Variants in SLAIN2 observed in about 807,000 individuals in gnomAD.
The protein encoded by SLAIN2 is SLAIN motif-containing protein 2.
A neutral mutation model predicts 56.6 loss-of-function variants in SLAIN2; 31 were observed. That is an observed-to-expected ratio of 0.55 (90% CI 0.41 to 0.74). SLAIN2 has a LOEUF of 0.74. SLAIN2 is among the 30% of genes least tolerant of loss of function. The pLI is 0.00. For missense variants in SLAIN2, 777 were observed against 754.2 expected, an observed-to-expected ratio of 1.03 and a Z score of -0.35; for synonymous variants, 317 against 284.9, an observed-to-expected ratio of 1.11 and a Z score of -1.13.
intron 6 of SLAIN2, among the ~76,000 whole-genome samples, chr4:48,387,029 C>A (rs1266942673): frequency 6.6e-6 from 1 of 152,158 alleles, no homozygotes; most frequent in Non-Finnish European, 1.5e-5. Context: ...TGAACTGTTA[C>A]ATTCTGGATT....
intron 1 of SLAIN2, among the ~76,000 whole-genome samples, chr4:48,355,370 A>G (rs1235167141): frequency 2.0e-5 from 3 of 152,218 alleles, no homozygotes; most frequent in Admixed American, 6.5e-5. Flanking sequence ...GAAGACTGTT[A>G]TAAAATTATA....
chr4:48,391,527 C>T (rs759991656), intron 6 of SLAIN2, among the ~76,000 whole-genome samples: 14 of 152,226 alleles, frequency 9.2e-5, no homozygotes, highest in East Asian at 5.8e-4. Context: ...AATAGAAAGC[C>T]GACCAACTTG....
At chr4:48,383,047 A>G in intron 5 of SLAIN2, 120 bp downstream of exon 5, 1 of 1,044,708 alleles carries the variant, frequency 9.6e-7, no homozygotes, top group Non-Finnish European at 1.3e-6. Flanking sequence ...GCACATCTAT[A>G]GTCCTAGTGA....
At chr4:48,366,122 A>G (rs1184273310) in intron 1 of SLAIN2, among the ~76,000 whole-genome samples, 1 of 152,228 alleles carries the variant, frequency 6.6e-6, no homozygotes, top group African/African-American at 2.4e-5. Context: ...GGAATTTACT[A>G]CATTGCTTTC....
intron 6 of SLAIN2, among the ~76,000 whole-genome samples, chr4:48,412,365 T>TATAC (rs1362476119): frequency 5.3e-5 from 6 of 112,904 alleles, no homozygotes. Flanking sequence ...TTTGTATATG[T>TATAC]ACACACACAC....
At chr4:48,376,730 T>C (rs2109758272) in intron 2 of SLAIN2, among the ~76,000 whole-genome samples, 1 of 147,552 alleles carries the variant, frequency 6.8e-6, no homozygotes, top group African/African-American at 2.5e-5. Flanking sequence ...CACGCCATTC[T>C]CCTGCCTCAG....
At chr4:48,371,109 G>GT (rs71660447) in intron 2 of SLAIN2, among the ~76,000 whole-genome samples, 6,739 of 140,364 alleles carry the variant, frequency 0.048, 203 homozygotes, top group Middle Eastern at 0.11. Context: ...TTTTTGTTTT[G>GT]TTTTTTTTTT....
At chr4:48,369,426 A>C (rs1234776224) in intron 1 of SLAIN2, among the ~76,000 whole-genome samples, 2 of 152,186 alleles carry the variant, frequency 1.3e-5, no homozygotes, top group African/African-American at 4.8e-5. Flanking sequence ...AACTAAAAGG[A>C]ATGAATCACT....
rs768405371 is a variant in SLAIN2 at position 48,369,996 on chromosome 4, A to G, written c.537A>G (p.Ser179=). 1.2e-6 allele frequency: 2 copies of G among 1,612,530 alleles called. No homozygotes were observed. The highest frequency in any genetic ancestry group is 2.2e-5 in the South Asian group (2 of 90,758). ...SLIHKLDQTM[S]ALKRQNLYNN... is the part of the protein sequence containing the mutation. ...TCCACAAACTTGATCAAACTATGTC[A>G]GGTATGTCTATAATTTTGCTTGTAA... Residue 179 remains serine (S), a splice_region_variant and synonymous_variant, in exon 2 of 8, where the codon TCA becomes TCG. Transcript: ENST00000264313.
rs372373347 is a variant in SLAIN2 at position 48,341,702 on chromosome 4, G to A, written c.-38G>A. The A allele has an allele frequency of 7.2e-6, 11 of 1,521,034 alleles. No homozygotes were observed. The highest frequency in any genetic ancestry group is 2.5e-5 in the South Asian group (2 of 80,774). The allele number at this position is 1,521,034 out of a possible 1,614,324, so 94.2% of individuals were successfully genotyped here. A position where few individuals can be genotyped will look rare whatever the true frequency, so the allele number is the denominator to read the frequency against. On this transcript the variant is annotated 5_prime_UTR_variant, in exon 1 of 8. Transcript: ENST00000264313. ...TCTCTTTCCCTGTCGCTGCGAGAGCGAGCGGGCGGCGGAGGCGGCGGCGGC... is the reference window on the plus strand; with the variant it reads ...TCTCTTTCCCTGTCGCTGCGAGAGCAAGCGGGCGGCGGAGGCGGCGGCGGC...
intron 7 of SLAIN2, among the ~76,000 whole-genome samples, chr4:48,420,753 A>G (rs1717125531): frequency 6.6e-6 from 1 of 152,228 alleles, no homozygotes; most frequent in Non-Finnish European, 1.5e-5. Flanking sequence ...TTCGAATATA[A>G]TTATATTCAA....
At chr4:48,410,392 A>G (rs1716813546) in intron 6 of SLAIN2, among the ~76,000 whole-genome samples, 1 of 151,240 alleles carries the variant, frequency 6.6e-6, no homozygotes, top group Non-Finnish European at 1.5e-5. Context: ...TTTATTCTTC[A>G]CTTTCTTTAT....
intron 2 of SLAIN2, among the ~76,000 whole-genome samples, chr4:48,375,941 A>G (rs1715798761): frequency 1.3e-5 from 2 of 152,220 alleles, no homozygotes; most frequent in South Asian, 4.1e-4. Context: ...AGTTTCTCTC[A>G]GTTGTAATGA....
At chr4:48,355,680 A>G (rs1213748804) in intron 1 of SLAIN2, among the ~76,000 whole-genome samples, 4 of 152,148 alleles carry the variant, frequency 2.6e-5, no homozygotes, top group Non-Finnish European at 1.5e-5. Context: ...CTACTCTGGC[A>G]TGTAACATAA....
chr4:48,402,108 C>T (rs1716570625), intron 6 of SLAIN2, among the ~76,000 whole-genome samples: 2 of 152,004 alleles, frequency 1.3e-5, no homozygotes, highest in South Asian at 4.1e-4. Context: ...CCAATCTCTT[C>T]TGGCTTTGTA....
Position 48,383,715 on chromosome 4 carries a change from A to C in SLAIN2, c.1291A>C (p.Ser431Arg), listed in dbSNP as rs1383103679. 1 of 1,611,804 alleles carries C rather than the reference A, an allele frequency of 6.2e-7. No individual in the cohort carries two copies. Among genetic ancestry groups the C allele is most frequent in the African/African-American group, 1.3e-5 (1 of 74,920 alleles). ...SNTQVDSVKS[S>R]RSDSNFQVPN... ...TACACAAGTTGACTCAGTGAAAAGC[A>C]GCAGAAGTGACTCAAATTTTCAAGT... Residue 431 changes from serine to arginine, a missense_variant, in exon 6 of 8, where the codon AGC (serine) becomes CGC (arginine). Coordinates refer to ENST00000264313, the MANE Select transcript of SLAIN2 (RefSeq NM_020846.2).
At chr4:48,420,049 C>G in intron 6 of SLAIN2, 76 bp from the exon 7 acceptor site, 2 of 1,401,526 alleles carry the variant, frequency 1.4e-6, no homozygotes, top group Non-Finnish European at 2.0e-6. Flanking sequence ...GCCCAATCAT[C>G]AGTTGTAATT....
chr4:48,390,134 G>A (rs1417975286), intron 6 of SLAIN2, among the ~76,000 whole-genome samples: 3 of 150,204 alleles, frequency 2.0e-5, no homozygotes, highest in Non-Finnish European at 4.4e-5. Flanking sequence ...AGCGGCGGTG[G>A]CGTGATCACA....
intron 6 of SLAIN2, chr4:48,394,572 A>G (rs768976601): frequency 2.1e-5 from 33 of 1,535,474 alleles, no homozygotes; most frequent in African/African-American, 2.7e-5. Context: ...TTATTTTTCA[A>G]CAGCTTCGCA....
Sources: gnomAD v4.1 joint callset for allele counts (sites outside exome capture counted in the v4.1 genomes callset) on GRCh38, gnomAD v4.1.1 for gene constraint, MANE v1.5 for transcripts, NCBI Gene and HGNC (gene_info 2026-07-23, HGNC 2026-07-21) for gene names.